Variants in ZNF43 observed in about 807,000 individuals in gnomAD.
ZNF43 encodes the protein zinc finger protein 43.
Under a neutral mutation model 68.4 loss-of-function variants are expected in ZNF43, and 44 were observed. The observed-to-expected ratio is 0.64, with a 90% CI of 0.51 to 0.83. ZNF43 has a LOEUF of 0.83. ZNF43 is among the 40% of genes least tolerant of loss of function. The pLI is 0.00. For missense variants in ZNF43, 896 were observed against 933.2 expected (o/e 0.96, Z 0.52); for synonymous variants, 308 against 307.8 (o/e 1.00, Z -0.01).
intron 3 of ZNF43, among the ~76,000 whole-genome samples, chr19:21,810,076 A>G (rs2037204205): frequency 6.6e-6 from 1 of 152,230 alleles, no homozygotes; most frequent in South Asian, 2.1e-4. Flanking sequence ...CATTTACCCA[A>G]CACAGCTTTT....
At position 21,805,873 on chromosome 19, in the gene ZNF43, G is replaced by C. The variant is rs1466200477; in HGVS notation, c.*1734C>G. On this transcript the variant is annotated 3_prime_UTR_variant, in exon 4 of 4. Coordinates refer to ENST00000354959, the MANE Select transcript of ZNF43 (RefSeq NM_003423.4). ...TACCATCTTTTACATACACTCTTGA[G>C]TAAGGTGAAATAGGTTAAAGTTAGA... 4.3e-4 allele frequency: 66 copies of C among 151,942 alleles called. 1 individual carries two copies. The highest frequency in any genetic ancestry group is 4.3e-3 in the Admixed American group (66 of 15,234). 9.4% of individuals were successfully genotyped at this position (151,942 alleles called of 1,614,324 possible). A position where few individuals can be genotyped will look rare whatever the true frequency, so the allele number is the denominator to read the frequency against.
chr19:21,817,811 A>AT, intron 3 of ZNF43, 77 bp downstream of exon 3: 1 of 1,440,496 alleles, frequency 6.9e-7, no homozygotes, highest in Non-Finnish European at 9.6e-7. Flanking sequence ...CCCAAGTCAC[A>AT]TTTTAAGGAC....
intron 3 of ZNF43, among the ~76,000 whole-genome samples, chr19:21,813,535 T>C (rs932283118): frequency 2.0e-5 from 3 of 152,184 alleles, no homozygotes; most frequent in Non-Finnish European, 4.4e-5. Context: ...GAGAATATTA[T>C]GTCACCTGAA....
In ZNF43 at chr19:21,807,472, T is replaced by G; in HGVS notation, c.*135A>C. On this transcript the variant is annotated 3_prime_UTR_variant, in exon 4 of 4. Coordinates refer to ENST00000354959, the MANE Select transcript of ZNF43 (RefSeq NM_003423.4). ...TGTGCAATAAGGTACGAGCATTAAT[T>G]AAAAGTTTTGCCACATTCTTCACAC... 1.2e-6 allele frequency: 1 copy of G among 858,310 alleles called. No individual in the cohort carries two copies. Among genetic ancestry groups the G allele is most frequent in the Middle Eastern group, 3.6e-4 (1 of 2,800 alleles). The allele number at this position is 858,310 out of a possible 1,614,324, so 53.2% of individuals were successfully genotyped here. A position where few individuals can be genotyped will look rare whatever the true frequency, so the allele number is the denominator to read the frequency against.
At chr19:21,851,149 A>C (rs1342832741) in intron 1 of ZNF43, 1 of 152,172 alleles carries the variant, frequency 6.6e-6, no homozygotes, top group Admixed American at 6.6e-5. Context: ...TTGGTCTGAG[A>C]GTAACCAACC....
intron 3 of ZNF43, among the ~76,000 whole-genome samples, chr19:21,811,500 A>C (rs759064944): frequency 9.3e-5 from 14 of 151,060 alleles, no homozygotes; most frequent in Non-Finnish European, 1.3e-4. Context: ...ATGCCACTGC[A>C]CTCCAGCCTG....
intron 1 of ZNF43, among the ~76,000 whole-genome samples, chr19:21,825,371 T>C (rs887056222): frequency 1.3e-5 from 2 of 152,186 alleles, no homozygotes; most frequent in East Asian, 3.8e-4. Flanking sequence ...GTGACATTAT[T>C]AGTTTAGTTT....
intron 1 of ZNF43, among the ~76,000 whole-genome samples, chr19:21,822,564 G>C (rs1030671883): frequency 9.9e-5 from 15 of 152,172 alleles, no homozygotes; most frequent in Non-Finnish European, 1.9e-4. Context: ...CCAGCACTTT[G>C]GGAGGCCGAG....
chr19:21,850,800 T>A (rs890866748), intron 1 of ZNF43: 4 of 152,258 alleles, frequency 2.6e-5, no homozygotes, highest in African/African-American at 9.6e-5. Flanking sequence ...CAATGCCATC[T>A]GTGGGCAGCA....
intron 1 of ZNF43, among the ~76,000 whole-genome samples, chr19:21,830,659 A>G (rs1397501558): frequency 6.6e-6 from 1 of 151,258 alleles, no homozygotes; most frequent in East Asian, 1.9e-4. Flanking sequence ...ACATATTCAC[A>G]AAAGAATTCT....
At chr19:21,817,858 TTTG>T (rs762547978) in intron 3 of ZNF43, 27 bp downstream of exon 3, 1 of 1,592,900 alleles carries the variant, frequency 6.3e-7, no homozygotes, top group South Asian at 1.1e-5. Context: ...CTCATCTGTG[TTTG>T]TTGTATTCAC....
At chr19:21,830,079 G>A (rs568607030) in intron 1 of ZNF43, among the ~76,000 whole-genome samples, 2 of 151,932 alleles carry the variant, frequency 1.3e-5, no homozygotes, top group African/African-American at 4.8e-5. Context: ...AGTGAAACCC[G>A]GTCTCTACTA....
chr19:21,842,268 G>A (rs1967592360), intron 1 of ZNF43, among the ~76,000 whole-genome samples: 2 of 151,830 alleles, frequency 1.3e-5, no homozygotes, highest in Admixed American at 6.6e-5. Context: ...AATTAGCTAG[G>A]TATGGTGGTG....
At chr19:21,836,323 G>T (rs1338572234), upstream of ZNF43, 1 of 1,127,536 alleles carries the variant, frequency 8.9e-7, no homozygotes, top group Non-Finnish European at 1.1e-6. Flanking sequence ...GTGATCAGAC[G>T]CTGGGCTGAA....
At chr19:21,816,242 G>C (rs1249741591) in intron 3 of ZNF43, among the ~76,000 whole-genome samples, 6 of 152,108 alleles carry the variant, frequency 3.9e-5, no homozygotes, top group Admixed American at 3.9e-4. Flanking sequence ...GCTCACACTT[G>C]CAATGACAGC....
intron 1 of ZNF43, among the ~76,000 whole-genome samples, chr19:21,846,648 G>T (rs947682931): frequency 4.6e-5 from 7 of 152,044 alleles, no homozygotes; most frequent in Non-Finnish European, 1.0e-4. Context: ...TTTGATGCTG[G>T]GTTCACCAAT....
rs904744772 is a variant in ZNF43 at position 21,807,264 on chromosome 19, C to T, written c.*343G>A. 23 of 171,412 alleles carry T rather than the reference C, an allele frequency of 1.3e-4. No homozygotes were observed. The East Asian group carries it at 3.8e-3, about 29-fold the overall frequency. 10.6% of individuals were successfully genotyped at this position (171,412 alleles called of 1,614,324 possible). ...TCTTAATATTTGTAATGTTTGTCTT[C>T]AGAATGAATTATCTTCTTCACTTTA... On this transcript the variant is annotated 3_prime_UTR_variant, in exon 4 of 4. Transcript: ENST00000354959.
At chr19:21,817,822 T>C in intron 3 of ZNF43, 66 bp downstream of exon 3, 1 of 1,478,488 alleles carries the variant, frequency 6.8e-7, no homozygotes, top group Non-Finnish European at 9.3e-7. Flanking sequence ...TTTTAAGGAC[T>C]GGCTTTCCCC....
chr19:21,828,319 C>T (rs1326723378), intron 1 of ZNF43, among the ~76,000 whole-genome samples: 1 of 152,210 alleles, frequency 6.6e-6, no homozygotes, highest in African/African-American at 2.4e-5. Flanking sequence ...GTGATTCATG[C>T]CTGTAATCCC....
Sources: gnomAD v4.1 joint callset for allele counts (sites outside exome capture counted in the v4.1 genomes callset) on GRCh38, gnomAD v4.1.1 for gene constraint, MANE v1.5 for transcripts, NCBI Gene and HGNC (gene_info 2026-07-23, HGNC 2026-07-21) for gene names.